ENPP1: variants seen among roughly 807,000 people sequenced by gnomAD.
ENPP1 encodes ectonucleotide pyrophosphatase/phosphodiesterase 1, also known as ectonucleotide pyrophosphatase/phosphodiesterase family member 1.
ENPP1 carries 73 observed loss-of-function variants against 122.8 expected under a neutral mutation model. The observed-to-expected ratio is 0.59, with a 90% confidence interval of 0.49 to 0.72. The LOEUF is 0.72. Ranked by LOEUF, ENPP1 falls within the 30% of genes least tolerant of loss-of-function variation. The probability of loss-of-function intolerance (pLI) is 0.00; values close to 1 mark genes in which losing one functional copy is unlikely to be tolerated. For synonymous variants in ENPP1, 367 were observed against 391.6 expected (o/e 0.94, Z 0.74); for missense variants, 978 against 1,128.1 (o/e 0.87, Z 1.91).
chr6:131,819,994 A>G (rs1355116082), intron 1 of ENPP1: 4 of 563,602 alleles, frequency 7.1e-6, no homozygotes, highest in South Asian at 4.5e-5. Context: ...CAAAACCACA[A>G]ACTCAGCTGT....
Position 131,860,318 on chromosome 6 carries a change from T to C in ENPP1, c.796-69T>C, listed in dbSNP as rs1782004772. The C allele has an allele frequency of 2.4e-6, 3 of 1,226,054 alleles. No individual in the cohort carries two copies. The East Asian group carries it at 7.1e-5, about 29-fold the overall frequency. The allele number at this position is 1,226,054 out of a possible 1,614,324, so 75.9% of individuals were successfully genotyped here. On this transcript the variant is annotated intron_variant, in intron 7 of 24. Transcript: ENST00000647893. ...TCAGTTATCGGTTTCTTTTTGATGA[T>C]TTTTTTCTGTGAATGTATTTAACAT...
chr6:131,863,924 AAAG>A lies in ENPP1; in HGVS notation c.1026-577_1026-575del, dbSNP rs545207543. The stretch of plus-strand genomic sequence containing the variant: ...AGTGAGACTCTGTCTCAAAAAAAAC[AAAG>A]AAGAGTTTGTGTACTAAGCATGGGG... On this transcript the variant is annotated intron_variant, in intron 9 of 24. Transcript: ENST00000647893. 9.9e-5 allele frequency among the ~76,000 whole-genome samples: 15 copies of A among 152,206 alleles called. 1 individual carries two copies. The South Asian group carries it at 3.1e-3, about 32-fold the overall frequency.
chr6:131,869,775 G>A (rs1782137499), intron 13 of ENPP1, among the ~76,000 whole-genome samples: 1 of 148,836 alleles, frequency 6.7e-6, no homozygotes, highest in Non-Finnish European at 1.5e-5. Flanking sequence ...AGAATCGCTT[G>A]AACCCAGGAG....
At chr6:131,875,993 G>GA in intron 17 of ENPP1, 130 bp downstream of exon 17, 1 of 723,596 alleles carries the variant, frequency 1.4e-6, no homozygotes, top group South Asian at 1.5e-5. Context: ...CCTTCTTCCT[G>GA]ACTCTCAGAC....
At chr6:131,819,928 T>C in intron 1 of ENPP1, 1 of 537,000 alleles carries the variant, frequency 1.9e-6, no homozygotes, top group Non-Finnish European at 3.5e-6. Flanking sequence ...TCAGATGAGT[T>C]TCCATAGCTT....
At chr6:131,882,567 A>G in intron 21 of ENPP1, 93 bp downstream of exon 21, 1 of 391,066 alleles carries the variant, frequency 2.6e-6, no homozygotes, top group Admixed American at 3.4e-5. Flanking sequence ...TAATATATAT[A>G]TTACCTATTA....
intron 1 of ENPP1, chr6:131,828,215 C>A (rs1781569977): frequency 5.3e-6 from 3 of 564,754 alleles, no homozygotes; most frequent in Non-Finnish European, 1.0e-5. Flanking sequence ...TGTTCCAAGG[C>A]ATGGTGCAAT....
rs71572990 is a variant in ENPP1, at chr6:131,887,766, C to T, written c.2607+1042C>T. Among the ~76,000 whole-genome samples the T allele has an allele frequency of 7.7e-3, 1,074 of 139,046 alleles. 41 individuals carry two copies. The highest frequency in any genetic ancestry group is 0.013 in the African/African-American group (461 of 36,454). 91.2% of individuals were successfully genotyped at this position (139,046 alleles called of 152,430 possible). A position where few individuals can be genotyped will look rare whatever the true frequency, so the allele number is the denominator to read the frequency against. ...TTTTTTAGTAGAGATGGGGTTTCAC[C>T]GTGTTAGCCAGGATGGTCTCAATCT... On this transcript the variant is annotated intron_variant, in intron 24 of 24. Coordinates refer to ENST00000647893, the MANE Select transcript of ENPP1 (RefSeq NM_006208.3).
At chr6:131,829,798 G>T (rs758322197) in intron 1 of ENPP1, among the ~76,000 whole-genome samples, 2 of 152,174 alleles carry the variant, frequency 1.3e-5, no homozygotes. Context: ...CTAGGGCTTC[G>T]CTGTAGCAGC....
chr6:131,826,228 AAC>A, intron 1 of ENPP1: 3 of 950,262 alleles, frequency 3.2e-6, no homozygotes, highest in Non-Finnish European at 3.5e-6. Context: ...TTTGCACTGA[AAC>A]AGCCCATCTG....
chr6:131,829,488 A>C (rs796969446), intron 1 of ENPP1, among the ~76,000 whole-genome samples: 11 of 152,332 alleles, frequency 7.2e-5, no homozygotes, highest in African/African-American at 2.6e-4. Flanking sequence ...TATTAAATTT[A>C]GTTTAGATTG....
chr6:131,816,928 C>T (rs953429390), intron 1 of ENPP1, among the ~76,000 whole-genome samples: 23 of 152,160 alleles, frequency 1.5e-4, no homozygotes, highest in African/African-American at 5.5e-4. Flanking sequence ...GTCAGGTTTC[C>T]ATGCAGACAT....
intron 1 of ENPP1, 28 bp from the exon 2 acceptor site, chr6:131,847,748 C>A: frequency 6.9e-7 from 1 of 1,455,018 alleles, no homozygotes; most frequent in Non-Finnish European, 9.6e-7. Context: ...AAAAAGAAAC[C>A]ATGTAATTTT....
rs773644502 is a variant in ENPP1, at chr6:131,869,412, A to T, written c.1328A>T (p.Asp443Val). 1 of 1,612,488 alleles carries T rather than the reference A, an allele frequency of 6.2e-7. No homozygotes were observed. The highest frequency in any genetic ancestry group is 8.5e-7 in the Non-Finnish European group (1 of 1,178,822). Reference sequence around the variant, plus strand: ...ATATATCTGAATAAATATTTGGGGGATGTTAAAAATATTAAAGTTATCTAT... The same window carrying T: ...ATATATCTGAATAAATATTTGGGGGTTGTTAAAAATATTAAAGTTATCTAT... The part of the protein sequence containing the change: ...KYIYLNKYLG[D>V]VKNIKVIYGP... The change falls in exon 13 of 25, where the codon GAT becomes GTT. Residue 443 changes from aspartate (D) to valine (V), a missense_variant. Asp to Val is a radical substitution (Grantham distance 152). Transcript: ENST00000647893.
intron 1 of ENPP1, chr6:131,828,049 G>A (rs1781566683): frequency 4.5e-6 from 3 of 662,478 alleles, no homozygotes; most frequent in Admixed American, 1.8e-5. Context: ...AGAGCACCAG[G>A]TAGGGGAAGA....
rs1782226610 is a variant in ENPP1 at position 131,875,996 on chromosome 6, T to C, written c.1723+133T>C. On this transcript the variant is annotated intron_variant, in intron 17 of 24. Transcript: ENST00000647893. ...GACAGATTTTTACCTTCTTCCTGAC[T>C]CTCAGACTCACTGAAGAAATGTGGG... 4.1e-6 allele frequency: 3 copies of C among 724,012 alleles called. No homozygotes were observed. In the Admixed American group the frequency reaches 6.1e-5, roughly 15 times the overall value. The allele number at this position is 724,012 out of a possible 1,614,324, so 44.8% of individuals were successfully genotyped here.
intron 1 of ENPP1, among the ~76,000 whole-genome samples, chr6:131,839,351 C>A (rs180909980): frequency 3.8e-4 from 58 of 151,984 alleles, no homozygotes; most frequent in African/African-American, 1.4e-3. Context: ...CTTAGGCTTA[C>A]CTCCAATGAC....
Position 131,864,499 on chromosome 6 carries a change from AT to A in ENPP1, c.1026-3del. ...CATCTTTTATTTTTGTTTGTTCTTC[AT>A]TTTAGTTCAGTACCATTTGAAGAAA... On this transcript the variant is annotated splice_region_variant and splice_polypyrimidine_tract_variant and intron_variant, in intron 9 of 24. Coordinates refer to ENST00000647893, the MANE Select transcript of ENPP1 (RefSeq NM_006208.3). 6.3e-7 allele frequency: 1 copy of A among 1,591,406 alleles called. No individual in the cohort carries two copies. The highest frequency in any genetic ancestry group is 8.6e-7 in the Non-Finnish European group (1 of 1,160,014).
At chr6:131,879,772 T>C (rs892549518) in intron 19 of ENPP1, 108 bp from the exon 20 acceptor site, 6 of 1,030,046 alleles carry the variant, frequency 5.8e-6, no homozygotes, top group Non-Finnish European at 8.9e-6. Context: ...TAGTTAAAAG[T>C]AAATCTTCAA....
Sources: allele counts gnomAD v4.1 joint callset (sites outside exome capture counted in the v4.1 genomes callset), GRCh38; gene constraint gnomAD v4.1.1; transcripts MANE v1.5; gene names NCBI Gene and HGNC (gene_info 2026-07-23, HGNC 2026-07-21).